Variants in POU2F1 observed in about 807,000 individuals in gnomAD.
POU2F1 encodes the protein POU domain, class 2, transcription factor 1.
Under a neutral mutation model 84.9 loss-of-function variants are expected in POU2F1, and 16 were observed. The ratio of observed to expected loss-of-function variants is 0.19; its 90% CI spans 0.13 to 0.29. POU2F1 has a LOEUF of 0.29. POU2F1 is among the 10% of genes least tolerant of loss of function. POU2F1 has a pLI of 1.00. For missense variants in POU2F1, 738 were observed against 942.6 expected, an observed-to-expected ratio of 0.78 and a Z score of 2.84; for synonymous variants, 368 against 368.3, an observed-to-expected ratio of 1.00 and a Z score of 0.01.
intron 1 of POU2F1, among the ~76,000 whole-genome samples, chr1:167,223,572 G>C (rs1648398736): frequency 6.6e-6 from 1 of 152,106 alleles, no homozygotes; most frequent in South Asian, 2.1e-4. Flanking sequence ...AGACATTTTG[G>C]TGAGTGGCTA....
intron 13 of POU2F1, among the ~76,000 whole-genome samples, chr1:167,405,706 C>T (rs757634134): frequency 4.6e-5 from 7 of 151,958 alleles, no homozygotes; most frequent in Admixed American, 1.3e-4. Flanking sequence ...AAAAAAAAGC[C>T]GTGAAGGATA....
chr1:167,221,215 C>CCCGCCG (rs1355840461), intron 1 of POU2F1, among the ~76,000 whole-genome samples: 1 of 151,432 alleles, frequency 6.6e-6, no homozygotes, highest in African/African-American at 2.4e-5. Flanking sequence ...CCCGGCCCAC[C>CCCGCCG]CCGCCGCCGC....
At chr1:167,302,807 A>G (rs1234659949) in intron 1 of POU2F1, among the ~76,000 whole-genome samples, 2 of 152,302 alleles carry the variant, frequency 1.3e-5, no homozygotes, top group South Asian at 2.1e-4. Context: ...AATAGCTATA[A>G]TAGTACAAGT....
rs1647824831 is a variant in POU2F1, at chr1:167,384,670, T to C, written c.813+719T>C. ...ATTTATGATAAGAACTCTTGCAAAC[T>C]AGATATAGAAGGTAACTTTCTTAAC... On this transcript the variant is annotated intron_variant, in intron 8 of 15. Transcript: ENST00000367866. 2.0e-5 allele frequency among the ~76,000 whole-genome samples: 3 copies of C among 150,984 alleles called. 1 individual carries two copies. Among genetic ancestry groups the C allele is most frequent in the South Asian group, 2.1e-4 (1 of 4,760 alleles).
chr1:167,233,344 C>T (rs1233528149), intron 1 of POU2F1, among the ~76,000 whole-genome samples: 1 of 151,020 alleles, frequency 6.6e-6, no homozygotes, highest in Non-Finnish European at 1.5e-5. Flanking sequence ...CGCCTTGTTG[C>T]CCCGGCTGGT....
At chr1:167,413,158 T>TGCGA in intron 15 of POU2F1, 44 bp downstream of exon 15, 1 of 1,402,870 alleles carries the variant, frequency 7.1e-7, no homozygotes, top group Admixed American at 1.9e-5. Flanking sequence ...TGCACGTGTG[T>TGCGA]GTGAGTGTGT....
intron 1 of POU2F1, among the ~76,000 whole-genome samples, chr1:167,283,943 G>C (rs1653345615): frequency 6.6e-6 from 1 of 152,036 alleles, no homozygotes; most frequent in Non-Finnish European, 1.5e-5. Context: ...TAAATACTTT[G>C]AATTTAACTA....
At chr1:167,390,723 G>A (rs889318811) in intron 9 of POU2F1, among the ~76,000 whole-genome samples, 12 of 152,190 alleles carry the variant, frequency 7.9e-5, no homozygotes, top group African/African-American at 2.4e-4. Context: ...CCGGGAGGTC[G>A]AGGCTGCAGT....
intron 10 of POU2F1, among the ~76,000 whole-genome samples, chr1:167,397,650 AT>A (rs1648902680): frequency 6.6e-6 from 1 of 152,158 alleles, no homozygotes. Context: ...GGTTCAAGTG[AT>A]TCTCCTGCCT....
intron 1 of POU2F1, among the ~76,000 whole-genome samples, chr1:167,293,558 T>G (rs1275546993): frequency 2.6e-5 from 4 of 152,144 alleles, no homozygotes; most frequent in Admixed American, 6.6e-5. Context: ...TTCAATGCAG[T>G]CCCTATCAAA....
chr1:167,255,691 G>T (rs1651080107), intron 1 of POU2F1, among the ~76,000 whole-genome samples: 1 of 152,144 alleles, frequency 6.6e-6, no homozygotes, highest in South Asian at 2.1e-4. Context: ...AGGAGTCGCA[G>T]TTGGAGAGGA....
At chr1:167,266,965 C>T (rs1333452719) in intron 1 of POU2F1, among the ~76,000 whole-genome samples, 5 of 152,080 alleles carry the variant, frequency 3.3e-5, no homozygotes, top group African/African-American at 1.2e-4. Context: ...CATTTGTTTA[C>T]AGACATTTTT....
intron 2 of POU2F1, among the ~76,000 whole-genome samples, chr1:167,364,306 G>A (rs539106825): frequency 1.3e-3 from 194 of 151,718 alleles, no homozygotes; most frequent in Non-Finnish European, 2.4e-3. Context: ...CGAGGCGGGC[G>A]GATCACGAGG....
intron 4 of POU2F1, 31 bp downstream of exon 4, chr1:167,370,245 C>A: frequency 6.5e-7 from 1 of 1,541,622 alleles, no homozygotes; most frequent in South Asian, 1.2e-5. Flanking sequence ...ATGGGTCAAT[C>A]TTTTATTTAT....
chr1:167,308,809 G>A (rs961843059), intron 1 of POU2F1, among the ~76,000 whole-genome samples: 17 of 152,116 alleles, frequency 1.1e-4, no homozygotes, highest in African/African-American at 3.6e-4. Flanking sequence ...ATGAGCCACC[G>A]TGCCTGGCCT....
At chr1:167,275,745 G>T (rs186623727) in intron 1 of POU2F1, among the ~76,000 whole-genome samples, 8 of 152,274 alleles carry the variant, frequency 5.3e-5, no homozygotes, top group Admixed American at 5.2e-4. Context: ...AAAAGATGGG[G>T]TAAGAATAAT....
chr1:167,378,101 A>G (rs953646683), intron 7 of POU2F1, among the ~76,000 whole-genome samples: 2 of 152,240 alleles, frequency 1.3e-5, no homozygotes, highest in Non-Finnish European at 2.9e-5. Flanking sequence ...TGGCAATTCT[A>G]AGTTCTTTGA....
chr1:167,360,818 A>C (rs1290742769), intron 2 of POU2F1, among the ~76,000 whole-genome samples: 1 of 150,860 alleles, frequency 6.6e-6, no homozygotes, highest in East Asian at 1.9e-4. Flanking sequence ...GATTTTTCCA[A>C]CCCTCGCTCA....
intron 2 of POU2F1, among the ~76,000 whole-genome samples, chr1:167,346,660 A>C (rs900010413): frequency 6.6e-6 from 1 of 152,100 alleles, no homozygotes; most frequent in African/African-American, 2.4e-5. Flanking sequence ...ATCTAGTGCC[A>C]CTGCTGCTCT....
Sources: allele counts gnomAD v4.1 joint callset (sites outside exome capture counted in the v4.1 genomes callset), GRCh38; gene constraint gnomAD v4.1.1; transcripts MANE v1.5; gene names NCBI Gene and HGNC (gene_info 2026-07-23, HGNC 2026-07-21).